Variants in SPIRE1 observed in about 807,000 individuals in gnomAD.
SPIRE1 encodes the protein protein spire homolog 1.
SPIRE1 carries 40 observed loss-of-function variants against 94.1 expected under a neutral mutation model. The ratio of observed to expected loss-of-function variants is 0.43; its 90% CI spans 0.33 to 0.55. The LOEUF is 0.55. Among genes scored for constraint, SPIRE1 ranks in the 20% least tolerant of loss-of-function variants. The pLI is 0.06. For missense variants in SPIRE1, 838 were observed against 975.2 expected (o/e 0.86, Z 1.87); for synonymous variants, 376 against 371.7 (o/e 1.01, Z -0.13).
chr18:12,626,088 G>A (rs956062423), intron 2 of SPIRE1, among the ~76,000 whole-genome samples: 2 of 144,606 alleles, frequency 1.4e-5, no homozygotes, highest in Non-Finnish European at 3.0e-5. Context: ...TCACCTAAAC[G>A]AGCCAGAAGG....
intron 2 of SPIRE1, among the ~76,000 whole-genome samples, chr18:12,556,844 A>C (rs972514215): frequency 1.3e-5 from 2 of 152,194 alleles, no homozygotes; most frequent in Admixed American, 6.5e-5. Context: ...AAGCTTCCAC[A>C]GTGTGGAAGG....
intron 3 of SPIRE1, among the ~76,000 whole-genome samples, chr18:12,537,302 G>A (rs1054304515): frequency 1.3e-5 from 2 of 152,100 alleles, no homozygotes; most frequent in African/African-American, 4.8e-5. Flanking sequence ...CAACAACTGA[G>A]GCTTTACCTT....
At chr18:12,525,338 T>A (rs2034490148) in intron 4 of SPIRE1, among the ~76,000 whole-genome samples, 1 of 146,956 alleles carries the variant, frequency 6.8e-6, no homozygotes, top group Admixed American at 6.8e-5. Context: ...ATTATTAAAA[T>A]TTTAAAAATA....
intron 1 of SPIRE1, among the ~76,000 whole-genome samples, chr18:12,648,692 C>A (rs1329145588): frequency 6.6e-6 from 1 of 151,674 alleles, no homozygotes; most frequent in Non-Finnish European, 1.5e-5. Flanking sequence ...GAGTTTGAGA[C>A]CAGCCTGACC....
intron 3 of SPIRE1, 71 bp downstream of exon 3, chr18:12,546,602 AG>A (rs1341251616): frequency 3.7e-5 from 43 of 1,151,830 alleles, no homozygotes; most frequent in African/African-American, 6.2e-5. Flanking sequence ...CCATCTCTCC[AG>A]GGGGGGAAAA....
chr18:12,573,988 C>T (rs1358397592), intron 2 of SPIRE1, among the ~76,000 whole-genome samples: 3 of 152,188 alleles, frequency 2.0e-5, no homozygotes, highest in Non-Finnish European at 4.4e-5. Flanking sequence ...ATCCACCCAC[C>T]TCATTCTCCC....
chr18:12,464,738 A>T, intron 11 of SPIRE1, 130 bp downstream of exon 11: 1 of 685,830 alleles, frequency 1.5e-6, no homozygotes, highest in Middle Eastern at 2.5e-4. Flanking sequence ...TCATCTCCCG[A>T]TCAGTGAAAT....
intron 1 of SPIRE1, among the ~76,000 whole-genome samples, chr18:12,655,946 T>C (rs2144914893): frequency 6.6e-6 from 1 of 152,278 alleles, no homozygotes; most frequent in African/African-American, 2.4e-5. Context: ...TCACCCAGGC[T>C]GGAGTGCAGT....
chr18:12,597,368 G>C (rs2036705865), intron 2 of SPIRE1, among the ~76,000 whole-genome samples: 1 of 152,128 alleles, frequency 6.6e-6, no homozygotes, highest in Non-Finnish European at 1.5e-5. Context: ...CACACACACA[G>C]GGAAGGAAAG....
At chr18:12,482,177 T>C (rs1365575078) in intron 9 of SPIRE1, among the ~76,000 whole-genome samples, 1 of 152,208 alleles carries the variant, frequency 6.6e-6, no homozygotes, top group Non-Finnish European at 1.5e-5. Context: ...ACAGTCTCGC[T>C]CTGTCTCTAG....
intron 2 of SPIRE1, among the ~76,000 whole-genome samples, chr18:12,576,758 A>G (rs1348612335): frequency 1.3e-5 from 2 of 151,484 alleles, no homozygotes; most frequent in Non-Finnish European, 2.9e-5. Flanking sequence ...GCATGGTGGC[A>G]TGTGCCTGTA....
chr18:12,633,912 C>G (rs2037847872), intron 2 of SPIRE1, among the ~76,000 whole-genome samples: 2 of 152,198 alleles, frequency 1.3e-5, no homozygotes, highest in South Asian at 4.2e-4. Context: ...CATAGAAACC[C>G]CTTAAATTTC....
chr18:12,470,689 C>G (rs1441487407), intron 10 of SPIRE1, among the ~76,000 whole-genome samples: 1 of 152,200 alleles, frequency 6.6e-6, no homozygotes, highest in Non-Finnish European at 1.5e-5. Context: ...TGCATACCCT[C>G]TCGTGTCTAT....
chr18:12,481,132 C>A (rs2032826558), intron 9 of SPIRE1, among the ~76,000 whole-genome samples: 1 of 151,930 alleles, frequency 6.6e-6, no homozygotes, highest in Non-Finnish European at 1.5e-5. Flanking sequence ...GAGTTTGAGA[C>A]CAGCCTGACC....
At chr18:12,504,431 T>C in intron 6 of SPIRE1, among the ~76,000 whole-genome samples, 1 of 151,976 alleles carries the variant, frequency 6.6e-6, no homozygotes, top group Admixed American at 6.6e-5. Context: ...CACTTGAACC[T>C]GGGAGGTGGA....
rs148523885 is a variant in SPIRE1 at position 12,596,270 on chromosome 18, G to A, written c.372+38792C>T. On this transcript the variant is annotated intron_variant, in intron 2 of 16. Transcript: ENST00000409402. Reference sequence around the variant, plus strand: ...CAAGAAAGAAGACTAGAGTCTGTTCGTTTCATTTGTCAAATAAACCAAAAC... The same window carrying A: ...CAAGAAAGAAGACTAGAGTCTGTTCATTTCATTTGTCAAATAAACCAAAAC... 3.2e-4 allele frequency among the ~76,000 whole-genome samples: 49 copies of A among 152,278 alleles called. No individual in the cohort carries two copies. In the East Asian group the frequency reaches 4.6e-3, roughly 14 times the overall value.
At chr18:12,560,786 A>C (rs1250672169) in intron 2 of SPIRE1, among the ~76,000 whole-genome samples, 1 of 152,188 alleles carries the variant, frequency 6.6e-6, no homozygotes, top group Non-Finnish European at 1.5e-5. Context: ...CGGGAGGCAA[A>C]GGTTGGCAGT....
At chr18:12,486,116 T>C in intron 8 of SPIRE1, 116 bp from the exon 9 acceptor site, 1 of 708,572 alleles carries the variant, frequency 1.4e-6, no homozygotes, top group Non-Finnish European at 2.3e-6. Flanking sequence ...TGTCAGACTC[T>C]AAGGCAGGCA....
intron 6 of SPIRE1, among the ~76,000 whole-genome samples, chr18:12,505,273 C>T (rs571157501): frequency 6.6e-5 from 10 of 152,106 alleles, no homozygotes; most frequent in Non-Finnish European, 1.3e-4. Flanking sequence ...GGCCAAGTGC[C>T]GTGGCTCATG....
Sources: gnomAD v4.1 joint callset for allele counts (sites outside exome capture counted in the v4.1 genomes callset) on GRCh38, gnomAD v4.1.1 for gene constraint, MANE v1.5 for transcripts, NCBI Gene and HGNC (gene_info 2026-07-23, HGNC 2026-07-21) for gene names.